COX7B2: variants seen among roughly 807,000 people sequenced by gnomAD.
COX7B2 encodes the protein cytochrome c oxidase subunit 7B2, mitochondrial.
For missense variants in COX7B2, 109 were observed against 95.9 expected (o/e 1.14, Z -0.57); for synonymous variants, 37 against 32.1 (o/e 1.15, Z -0.51).
chr4:46,807,095 C>CT (rs145544179), intron 2 of COX7B2, among the ~76,000 whole-genome samples: 5,994 of 151,108 alleles, frequency 0.04, 299 homozygotes, highest in African/African-American at 0.12. Context: ...AAACCTCATA[C>CT]TTTTTTTTTA....
chr4:46,793,910 C>T (rs1718178697), intron 2 of COX7B2, among the ~76,000 whole-genome samples: 1 of 152,132 alleles, frequency 6.6e-6, no homozygotes, highest in Admixed American at 6.5e-5. Context: ...AAATTGGTCT[C>T]CCCCCTTTGG....
intron 2 of COX7B2, among the ~76,000 whole-genome samples, chr4:46,742,815 C>A (rs759980315): frequency 6.6e-6 from 1 of 152,084 alleles, no homozygotes; most frequent in Non-Finnish European, 1.5e-5. Context: ...GAGGTAGGCA[C>A]TCTCGCTCAG....
intron 2 of COX7B2, among the ~76,000 whole-genome samples, chr4:46,809,435 T>C (rs1331143356): frequency 6.6e-6 from 1 of 151,892 alleles, no homozygotes; most frequent in Non-Finnish European, 1.5e-5. Context: ...CTAAAACTGC[T>C]TTTGCTGTCT....
At chr4:46,834,760 A>C (rs530781016) in intron 2 of COX7B2, among the ~76,000 whole-genome samples, 1 of 152,224 alleles carries the variant, frequency 6.6e-6, no homozygotes, top group African/African-American at 2.4e-5. Context: ...AAATCATGGA[A>C]ATATTTTAAA....
intron 2 of COX7B2, among the ~76,000 whole-genome samples, chr4:46,792,086 A>T (rs1396641395): frequency 1.6e-4 from 24 of 152,204 alleles, no homozygotes; most frequent in Non-Finnish European, 1.2e-4. Context: ...TTGTGGTAAG[A>T]ATCCCTATTG....
intron 2 of COX7B2, among the ~76,000 whole-genome samples, chr4:46,812,826 G>A (rs190663208): frequency 2.6e-5 from 4 of 152,298 alleles, no homozygotes; most frequent in Admixed American, 2.6e-4. Context: ...AGAGCCTCTG[G>A]ATCACTGGGT....
At chr4:46,803,383 C>T (rs981065837) in intron 2 of COX7B2, among the ~76,000 whole-genome samples, 1 of 151,856 alleles carries the variant, frequency 6.6e-6, no homozygotes, top group African/African-American at 2.4e-5. Context: ...TATAATTATA[C>T]TAAAATAATT....
intron 1 of COX7B2, among the ~76,000 whole-genome samples, chr4:46,907,210 C>G (rs1180266668): frequency 6.6e-6 from 1 of 152,118 alleles, no homozygotes; most frequent in Non-Finnish European, 1.5e-5. Context: ...ACATTTAGAT[C>G]CTCTTGAATC....
chr4:46,754,337 G>A (rs1715610691), intron 2 of COX7B2, among the ~76,000 whole-genome samples: 1 of 150,996 alleles, frequency 6.6e-6, no homozygotes, highest in South Asian at 2.1e-4. Context: ...TGATAGACTG[G>A]ATTAAGAAAA....
intron 2 of COX7B2, among the ~76,000 whole-genome samples, chr4:46,817,671 A>T (rs1719625967): frequency 6.6e-6 from 1 of 152,196 alleles, no homozygotes; most frequent in East Asian, 1.9e-4. Flanking sequence ...AAACATGATA[A>T]AGTGAATATA....
chr4:46,751,050 C>T (rs114420872), intron 2 of COX7B2, among the ~76,000 whole-genome samples: 157 of 152,284 alleles, frequency 1.0e-3, no homozygotes, highest in African/African-American at 3.6e-3. Flanking sequence ...TAATCAGCAA[C>T]ATTTCACACA....
intron 2 of COX7B2, among the ~76,000 whole-genome samples, chr4:46,809,627 T>C (rs548598252): frequency 1.6e-4 from 24 of 152,036 alleles, no homozygotes; most frequent in African/African-American, 5.1e-4. Context: ...GTGTCAGAAA[T>C]GATACTCAAT....
chr4:46,851,828 T>C (rs1716709218), intron 1 of COX7B2, among the ~76,000 whole-genome samples: 1 of 152,166 alleles, frequency 6.6e-6, no homozygotes, highest in South Asian at 2.1e-4. Context: ...AAAATGGTTT[T>C]GTGACTTTCT....
At chr4:46,827,286 A>T (rs763968214) in intron 2 of COX7B2, among the ~76,000 whole-genome samples, 5 of 152,114 alleles carry the variant, frequency 3.3e-5, no homozygotes, top group Non-Finnish European at 7.4e-5. Flanking sequence ...AAATAGGATA[A>T]ATACAAAGAA....
chr4:46,835,835 A>T (rs1406935006), intron 2 of COX7B2, among the ~76,000 whole-genome samples: 1 of 152,212 alleles, frequency 6.6e-6, no homozygotes, highest in African/African-American at 2.4e-5. Flanking sequence ...TCAATCATAC[A>T]GCCTACTACA....
intron 2 of COX7B2, among the ~76,000 whole-genome samples, chr4:46,773,446 GC>G (rs1042021802): frequency 6.6e-6 from 1 of 151,914 alleles, no homozygotes; most frequent in Non-Finnish European, 1.5e-5. Flanking sequence ...ACTTTCTGAG[GC>G]CCCCCCAGTC....
At chr4:46,789,158 A>C (rs1235891589) in intron 2 of COX7B2, among the ~76,000 whole-genome samples, 1 of 152,178 alleles carries the variant, frequency 6.6e-6, no homozygotes, top group East Asian at 1.9e-4. Flanking sequence ...ATCAACATTC[A>C]AAGATTAGGA....
intron 1 of COX7B2, among the ~76,000 whole-genome samples, chr4:46,853,429 G>T (rs1172235599): frequency 6.6e-6 from 1 of 151,900 alleles, no homozygotes; most frequent in Non-Finnish European, 1.5e-5. Flanking sequence ...CTCAATTGTG[G>T]CATATACATA....
chr4:46,867,889 C>A (rs150483922), intron 1 of COX7B2, among the ~76,000 whole-genome samples: 565 of 152,226 alleles, frequency 3.7e-3, no homozygotes, highest in African/African-American at 0.013. Flanking sequence ...ACTGGCTTCA[C>A]AGAAAGAGTT....
Sources: gnomAD v4.1 joint callset for allele counts (sites outside exome capture counted in the v4.1 genomes callset) on GRCh38, gnomAD v4.1.1 for gene constraint, MANE v1.5 for transcripts, NCBI Gene and HGNC (gene_info 2026-07-23, HGNC 2026-07-21) for gene names.